The following TNFRSF8 variants were observed in gnomAD, a reference collection of about 807,000 sequenced individuals.
TNFRSF8 encodes TNF receptor superfamily member 8.
TNFRSF8 carries 26 observed loss-of-function variants against 70.8 expected under a neutral mutation model. The ratio of observed to expected loss-of-function variants is 0.37; its 90% confidence interval spans 0.27 to 0.51. The LOEUF (loss-of-function observed/expected upper bound fraction) is 0.51, where lower values mean the gene tolerates loss of function less well. TNFRSF8 is among the 20% of genes least tolerant of loss of function. TNFRSF8 has a pLI of 0.94. For missense variants in TNFRSF8, 720 were observed against 807.9 expected (o/e 0.89, Z 1.32); for synonymous variants, 356 against 339.2 (o/e 1.05, Z -0.54).
intron 7 of TNFRSF8, 45 bp from the exon 8 acceptor site, chr1:12,115,531 CT>C (rs1368576375): frequency 6.2e-7 from 1 of 1,612,624 alleles, no homozygotes; most frequent in Admixed American, 1.7e-5. Context: ...ACCCCCTGCC[CT>C]TGCCATACTG....
chr1:12,107,698 C>G (rs560314000), intron 4 of TNFRSF8, among the ~76,000 whole-genome samples: 14 of 136,460 alleles, frequency 1.0e-4, no homozygotes, highest in Non-Finnish European at 2.0e-4. Context: ...ATCTCAGCTG[C>G]CAAACCCTGG....
chr1:12,117,888 ACT>A (rs1232623629), intron 8 of TNFRSF8, among the ~76,000 whole-genome samples: 1 of 147,038 alleles, frequency 6.8e-6, no homozygotes, highest in African/African-American at 2.5e-5. Context: ...CTTTTATTCC[ACT>A]CTCCAGCTCC....
At chr1:12,087,549 C>T (rs1641177183) in intron 2 of TNFRSF8, among the ~76,000 whole-genome samples, 1 of 152,214 alleles carries the variant, frequency 6.6e-6, no homozygotes, top group African/African-American at 2.4e-5. Context: ...TCTGGAACCC[C>T]TTCCTCCATG....
At chr1:12,064,123 G>A (rs572863250) in intron 1 of TNFRSF8, among the ~76,000 whole-genome samples, 20 of 152,320 alleles carry the variant, frequency 1.3e-4, no homozygotes, top group African/African-American at 4.6e-4. Flanking sequence ...CCACTGGCTG[G>A]AGGGTCAAGG....
chr1:12,128,568 C>T (rs1196456824), intron 12 of TNFRSF8, among the ~76,000 whole-genome samples: 3 of 152,220 alleles, frequency 2.0e-5, no homozygotes, highest in Non-Finnish European at 4.4e-5. Context: ...TGAAGTAATT[C>T]GTTTAAGGCC....
chr1:12,079,415 TC>T (rs895391008), intron 1 of TNFRSF8, among the ~76,000 whole-genome samples: 6 of 152,082 alleles, frequency 3.9e-5, no homozygotes, highest in African/African-American at 1.4e-4. Flanking sequence ...CTCTTCGCTT[TC>T]TGATCCCTCC....
chr1:12,091,666 C>A (rs1235748321), intron 2 of TNFRSF8, among the ~76,000 whole-genome samples: 1 of 152,156 alleles, frequency 6.6e-6, no homozygotes, highest in Non-Finnish European at 1.5e-5. Flanking sequence ...AGCCACTTAG[C>A]CTGCAGGAAG....
intron 1 of TNFRSF8, among the ~76,000 whole-genome samples, chr1:12,083,895 T>G (rs1641107457): frequency 1.3e-5 from 2 of 152,134 alleles, no homozygotes; most frequent in Non-Finnish European, 2.9e-5. Flanking sequence ...CAGTCAACAC[T>G]AATAGAGCGA....
intron 8 of TNFRSF8, among the ~76,000 whole-genome samples, chr1:12,118,815 C>G (rs1031448400): frequency 6.6e-6 from 1 of 152,122 alleles, no homozygotes; most frequent in African/African-American, 2.4e-5. Context: ...AGAGGGCCAT[C>G]GCAGGAGGAA....
At chr1:12,081,942 T>TAA (rs1641071298) in intron 1 of TNFRSF8, among the ~76,000 whole-genome samples, 2 of 152,050 alleles carry the variant, frequency 1.3e-5, no homozygotes, top group Non-Finnish European at 2.9e-5. Flanking sequence ...GCTTCCTCCC[T>TAA]GCCTCTTGCC....
Position 12,115,652 on chromosome 1 carries a change from C to G in TNFRSF8, c.869C>G (p.Ala290Gly), listed in dbSNP as rs1235870191. ...TCECRPGMIC[A>G]TSATNSCARC... is the part of the protein sequence containing the mutation. ...GAATGTCGACCTGGCATGATCTGTG[C>G]CACATCAGCCACCAACTCCTGTGCC... Residue 290 changes from alanine (A) to glycine (G), a missense_variant, in exon 8 of 15, where the codon GCC (alanine) becomes GGC (glycine). Transcript: ENST00000263932. 6.2e-7 allele frequency: 1 copy of G among 1,614,180 alleles called. No homozygotes were observed. Among genetic ancestry groups the G allele is most frequent in the Admixed American group, 1.7e-5 (1 of 60,024 alleles).
chr1:12,065,351 A>T (rs1640721947), intron 1 of TNFRSF8, among the ~76,000 whole-genome samples: 1 of 151,948 alleles, frequency 6.6e-6, no homozygotes, highest in African/African-American at 2.4e-5. Context: ...CCAAAGTGCT[A>T]GGGTTACAGG....
chr1:12,079,868 T>G (rs1400092102), intron 1 of TNFRSF8, among the ~76,000 whole-genome samples: 1 of 152,160 alleles, frequency 6.6e-6, no homozygotes, highest in African/African-American at 2.4e-5. Flanking sequence ...CATATGTGGC[T>G]TTGTACATCT....
At chr1:12,084,589 A>G (rs1161129927) in intron 2 of TNFRSF8, 38 bp downstream of exon 2, 1 of 1,583,232 alleles carries the variant, frequency 6.3e-7, no homozygotes, top group East Asian at 2.2e-5. Context: ...AAGGGGGGAA[A>G]TTTGTCCTCA....
chr1:12,123,880 G>A (rs1641881787), intron 10 of TNFRSF8, 53 bp downstream of exon 10: 1 of 1,465,356 alleles, frequency 6.8e-7, no homozygotes, highest in Non-Finnish European at 9.3e-7. Flanking sequence ...TCCTCCTGGG[G>A]AAGTGTGGAT....
chr1:12,072,648 G>C (rs569266484), intron 1 of TNFRSF8, among the ~76,000 whole-genome samples: 1 of 152,288 alleles, frequency 6.6e-6, no homozygotes, highest in East Asian at 1.9e-4. Context: ...GGTCCTCCAG[G>C]GGGCTAAGAA....
chr1:12,093,002 C>T (rs868207234), intron 2 of TNFRSF8, among the ~76,000 whole-genome samples: 4 of 151,904 alleles, frequency 2.6e-5, no homozygotes, highest in African/African-American at 9.7e-5. Context: ...GACGGGGTTT[C>T]GCTATGTTGG....
rs985289220 is a variant in TNFRSF8, at chr1:12,099,185, C to T, written c.268+1968C>T. Among the ~76,000 whole-genome samples the T allele has an allele frequency of 5.3e-5, 8 of 152,162 alleles. No homozygotes were observed. In the South Asian group the frequency reaches 8.3e-4, roughly 16 times the overall value. Reference sequence around the variant, plus strand: ...TTTCTTTTTGAGACAGAGTCTGACTCTGTCGCCCAGGCTGGAGTGCAGTGG... The same window carrying T: ...TTTCTTTTTGAGACAGAGTCTGACTTTGTCGCCCAGGCTGGAGTGCAGTGG... On this transcript the variant is annotated intron_variant, in intron 3 of 14. Transcript: ENST00000263932.
intron 3 of TNFRSF8, among the ~76,000 whole-genome samples, chr1:12,102,008 C>T (rs899478758): frequency 2.6e-5 from 4 of 152,206 alleles, no homozygotes; most frequent in East Asian, 1.9e-4. Context: ...TCATCATGTA[C>T]GCCATCCATT....
Sources: allele counts gnomAD v4.1 joint callset (sites outside exome capture counted in the v4.1 genomes callset), GRCh38; gene constraint gnomAD v4.1.1; transcripts MANE v1.5; gene names NCBI Gene and HGNC (gene_info 2026-07-23, HGNC 2026-07-21).